LEF1: variants seen among roughly 807,000 people sequenced by gnomAD.
LEF1 encodes the protein lymphoid enhancer binding factor 1, also known as lymphoid enhancer-binding factor 1.
LEF1 carries 14 observed loss-of-function variants against 51.2 expected under a neutral mutation model. The ratio of observed to expected loss-of-function variants is 0.27; its 90% CI spans 0.18 to 0.43. LEF1 has a LOEUF of 0.43. Ranked by LOEUF, LEF1 falls within the 20% of genes least tolerant of loss-of-function variation. The pLI, the probability that LEF1 is intolerant of heterozygous loss-of-function variation, is 1.00. For missense variants in LEF1, 386 were observed against 512.0 expected (o/e 0.75, Z 2.37); for synonymous variants, 185 against 183.2 (o/e 1.01, Z -0.08).
chr4:108,119,991 ATATGTGTGTG>A (rs1306894219), intron 3 of LEF1, among the ~76,000 whole-genome samples: 2 of 29,386 alleles, frequency 6.8e-5, no homozygotes, highest in African/African-American at 4.2e-4. Flanking sequence ...TATATTTTAT[ATATGTGTGTG>A]TGTGTGTGTG....
intron 3 of LEF1, among the ~76,000 whole-genome samples, chr4:108,152,921 C>T (rs1744442501): frequency 6.6e-6 from 1 of 152,198 alleles, no homozygotes; most frequent in African/African-American, 2.4e-5. Flanking sequence ...ATATGGACTC[C>T]AACAGCAGTG....
intron 3 of LEF1, among the ~76,000 whole-genome samples, chr4:108,161,593 G>C (rs1745055481): frequency 6.6e-6 from 1 of 152,146 alleles, no homozygotes; most frequent in East Asian, 1.9e-4. Flanking sequence ...CTAGTATACT[G>C]GTAGATTGGG....
intron 3 of LEF1, among the ~76,000 whole-genome samples, chr4:108,124,663 CG>C (rs1742407124): frequency 6.6e-6 from 1 of 152,080 alleles, no homozygotes; most frequent in African/African-American, 2.4e-5. Context: ...TCACCGCGCC[CG>C]GAACATGAAC....
chr4:108,087,079 T>C (rs2110262504), intron 4 of LEF1, among the ~76,000 whole-genome samples: 1 of 152,250 alleles, frequency 6.6e-6, no homozygotes, highest in Non-Finnish European at 1.5e-5. Flanking sequence ...CTGGCCTCAG[T>C]ACCATCATGC....
At chr4:108,048,996 G>C (rs1736801772) in intron 11 of LEF1, among the ~76,000 whole-genome samples, 1 of 152,164 alleles carries the variant, frequency 6.6e-6, no homozygotes, top group Non-Finnish European at 1.5e-5. Flanking sequence ...ATGATGTGAA[G>C]TGTAGTGAAT....
chr4:108,083,209 G>A, intron 5 of LEF1, 147 bp downstream of exon 5: 1 of 654,336 alleles, frequency 1.5e-6, no homozygotes, highest in South Asian at 1.8e-5. Flanking sequence ...CTTTTAAATT[G>A]AAATGAATAA....
At chr4:108,150,513 C>T (rs572637618) in intron 3 of LEF1, among the ~76,000 whole-genome samples, 1 of 152,246 alleles carries the variant, frequency 6.6e-6, no homozygotes, top group African/African-American at 2.4e-5. Flanking sequence ...AGACAATTTC[C>T]AAGTATTCTT....
chr4:108,064,649 TCTCA>T (rs1176658694), intron 9 of LEF1, among the ~76,000 whole-genome samples: 1 of 140,234 alleles, frequency 7.1e-6, no homozygotes, highest in African/African-American at 3.1e-5. Context: ...TCTCTCTCTC[TCTCA>T]CTCACACACA....
chr4:108,096,781 G>A (rs1740420913), intron 3 of LEF1, among the ~76,000 whole-genome samples: 1 of 152,154 alleles, frequency 6.6e-6, no homozygotes, highest in South Asian at 2.1e-4. Context: ...TGGGCAAATG[G>A]TGTGAATAGA....
chr4:108,058,711 CTTTTA>C (rs1737469430), intron 11 of LEF1, among the ~76,000 whole-genome samples: 1 of 152,206 alleles, frequency 6.6e-6, no homozygotes, highest in African/African-American at 2.4e-5. Context: ...AAAACATACT[CTTTTA>C]TAACTACCCA....
At chr4:108,049,182 G>A (rs1736815091) in intron 11 of LEF1, among the ~76,000 whole-genome samples, 3 of 152,206 alleles carry the variant, frequency 2.0e-5, no homozygotes, top group Non-Finnish European at 4.4e-5. Context: ...ACATAGGACA[G>A]ACATAATCAC....
At position 108,160,744 on chromosome 4, in the gene LEF1, G is replaced by T. The variant is rs577303684; in HGVS notation, c.414+2824C>A. On this transcript the variant is annotated intron_variant, in intron 3 of 11. Coordinates refer to ENST00000265165, the MANE Select transcript of LEF1 (RefSeq NM_016269.5). Reference sequence around the variant, plus strand: ...TTCCAGGATACACACAGTAGCATTTGTCTAAAAAATAAGCAAAAGCATATG... The same window carrying T: ...TTCCAGGATACACACAGTAGCATTTTTCTAAAAAATAAGCAAAAGCATATG... Among the ~76,000 whole-genome samples the T allele has an allele frequency of 5.9e-5, 9 of 152,274 alleles. No homozygotes were observed. The East Asian group carries it at 1.7e-3, about 29-fold the overall frequency.
At chr4:108,098,621 T>C (rs1231973501) in intron 3 of LEF1, among the ~76,000 whole-genome samples, 3 of 152,232 alleles carry the variant, frequency 2.0e-5, no homozygotes, top group Non-Finnish European at 2.9e-5. Context: ...GAAATACTTA[T>C]GTGTACAATT....
intron 3 of LEF1, among the ~76,000 whole-genome samples, chr4:108,142,944 T>C (rs541234525): frequency 1.6e-3 from 242 of 152,346 alleles, no homozygotes; most frequent in African/African-American, 5.6e-3. Flanking sequence ...TAGTAGTCAA[T>C]GAACCATCAG....
rs74597081 is a variant in LEF1, at chr4:108,136,549, G to A, written c.414+27019C>T. Among the ~76,000 whole-genome samples the A allele has an allele frequency of 4.0e-3, 603 of 150,376 alleles. 9 individuals carry two copies. The highest frequency in any genetic ancestry group is 0.014 in the African/African-American group (569 of 40,838). On this transcript the variant is annotated intron_variant, in intron 3 of 11. Transcript: ENST00000265165. ...AGGTTTGGATACCCCACCCAGATCT[G>A]GAAAGTTCAGCAATACATATGATCA...
chr4:108,133,019 G>T (rs1309845280), intron 3 of LEF1, among the ~76,000 whole-genome samples: 1 of 151,742 alleles, frequency 6.6e-6, no homozygotes, highest in African/African-American at 2.4e-5. Flanking sequence ...TGTCGCCCAG[G>T]CTGGAGTGCA....
chr4:108,120,206 T>C (rs1177060824), intron 3 of LEF1, among the ~76,000 whole-genome samples: 1 of 152,020 alleles, frequency 6.6e-6, no homozygotes, highest in African/African-American at 2.4e-5. Flanking sequence ...TAATTCTTTA[T>C]ATTTTGTAGA....
chr4:108,059,254 G>A (rs1024146350), intron 11 of LEF1, among the ~76,000 whole-genome samples: 6 of 152,186 alleles, frequency 3.9e-5, no homozygotes, highest in Admixed American at 2.6e-4. Context: ...GGCTGCATGC[G>A]GCCACTGCGC....
rs186944012 is a variant in LEF1, at chr4:108,108,437, C to G, written c.415-19180G>C. On this transcript the variant is annotated intron_variant, in intron 3 of 11. Coordinates refer to ENST00000265165, the MANE Select transcript of LEF1 (RefSeq NM_016269.5). ...AACCTGACCTGGTTAAGAGATGCAG[C>G]GCTAATAATATTTTTCTGGACTTGA... Among the ~76,000 whole-genome samples, 49 of 152,162 alleles carry G rather than the reference C, an allele frequency of 3.2e-4. 2 individuals carry two copies. The highest frequency in any genetic ancestry group is 1.7e-3 in the East Asian group (9 of 5,172).
Sources: gnomAD v4.1 joint callset for allele counts (sites outside exome capture counted in the v4.1 genomes callset) on GRCh38, gnomAD v4.1.1 for gene constraint, MANE v1.5 for transcripts, NCBI Gene and HGNC (gene_info 2026-07-23, HGNC 2026-07-21) for gene names.